Variants in MNAT1 observed in about 807,000 individuals in gnomAD.
MNAT1 encodes the protein MNAT1 component of CDK activating kinase.
Under a neutral mutation model 42.0 loss-of-function variants are expected in MNAT1, and 43 were observed. That is an observed-to-expected ratio of 1.02 (90% CI 0.80 to 1.32). The LOEUF (loss-of-function observed/expected upper bound fraction) is 1.32. Ranked by LOEUF, MNAT1 falls within the 40% of genes most tolerant of loss-of-function variation. MNAT1 has a pLI of 0.00. For missense variants in MNAT1, 306 were observed against 350.4 expected, an observed-to-expected ratio of 0.87 and a Z score of 1.01; for synonymous variants, 118 against 120.0, an observed-to-expected ratio of 0.98 and a Z score of 0.11.
intron 1 of MNAT1, among the ~76,000 whole-genome samples, chr14:60,741,729 A>C (rs1281702088): frequency 7.2e-6 from 1 of 138,074 alleles, no homozygotes; most frequent in Admixed American, 8.2e-5. Flanking sequence ...GCTGGTCTCA[A>C]ACGCCTGAGC....
intron 1 of MNAT1, among the ~76,000 whole-genome samples, chr14:60,794,465 G>C (rs945739241): frequency 2.0e-5 from 3 of 151,202 alleles, no homozygotes; most frequent in Admixed American, 2.0e-4. Context: ...AGGAGTTCGA[G>C]ACCAGCCTGA....
chr14:60,828,088 G>A (rs2033105107), intron 6 of MNAT1, among the ~76,000 whole-genome samples: 1 of 152,032 alleles, frequency 6.6e-6, no homozygotes, highest in African/African-American at 2.4e-5. Flanking sequence ...TTTGAATTTT[G>A]TTATTTCAGA....
intron 7 of MNAT1, among the ~76,000 whole-genome samples, chr14:60,947,485 C>G (rs1325302450): frequency 2.0e-5 from 3 of 152,098 alleles, no homozygotes. Flanking sequence ...GAGTTCGAGA[C>G]AAGCCTGGCC....
chr14:60,810,853 G>A (rs1475083875), intron 4 of MNAT1, among the ~76,000 whole-genome samples: 2 of 152,058 alleles, frequency 1.3e-5, no homozygotes, highest in Admixed American at 6.5e-5. Context: ...GTATATTTCT[G>A]TTAGTTGTTA....
At chr14:60,743,336 TG>T (rs547086223) in intron 1 of MNAT1, among the ~76,000 whole-genome samples, 57 of 152,218 alleles carry the variant, frequency 3.7e-4, no homozygotes, top group Admixed American at 1.1e-3. Context: ...TCGCCCAGGC[TG>T]GAGTACAATG....
intron 6 of MNAT1, among the ~76,000 whole-genome samples, chr14:60,860,420 T>A (rs554854788): frequency 6.7e-6 from 1 of 148,420 alleles, no homozygotes; most frequent in South Asian, 2.2e-4. Context: ...TGGCGCGATC[T>A]CTGCTCACTG....
intron 7 of MNAT1, among the ~76,000 whole-genome samples, chr14:60,961,821 C>T (rs918016497): frequency 2.6e-5 from 4 of 152,102 alleles, no homozygotes; most frequent in East Asian, 1.9e-4. Flanking sequence ...AGATAAATTA[C>T]TCATCCTGCC....
intron 6 of MNAT1, among the ~76,000 whole-genome samples, chr14:60,841,694 G>T (rs1286270260): frequency 2.0e-5 from 3 of 151,772 alleles, no homozygotes; most frequent in Non-Finnish European, 4.4e-5. Flanking sequence ...GGTAATTTTT[G>T]GTATTCCATT....
chr14:60,928,837 G>A (rs2035819375), intron 7 of MNAT1, among the ~76,000 whole-genome samples: 2 of 151,678 alleles, frequency 1.3e-5, no homozygotes, highest in Middle Eastern at 3.4e-3. Flanking sequence ...CTGGATATCA[G>A]CATTTTATTA....
intron 7 of MNAT1, among the ~76,000 whole-genome samples, chr14:60,924,621 A>G (rs571917448): frequency 3.0e-5 from 2 of 66,198 alleles, no homozygotes; most frequent in South Asian, 5.4e-4. Context: ...AGCTACACAA[A>G]TAACATCACC....
At chr14:60,964,476 G>C (rs113762846) in intron 7 of MNAT1, among the ~76,000 whole-genome samples, 1 of 152,250 alleles carries the variant, frequency 6.6e-6, no homozygotes, top group African/African-American at 2.4e-5. Flanking sequence ...TTAAGTCTTT[G>C]AGTTTAGTCT....
chr14:60,926,486 G>A (rs1304027148), intron 7 of MNAT1, among the ~76,000 whole-genome samples: 9 of 152,172 alleles, frequency 5.9e-5, no homozygotes, highest in Admixed American at 2.6e-4. Flanking sequence ...CAGACCATTC[G>A]TCAGTTTTGA....
At chr14:60,857,488 A>G (rs368391803) in intron 6 of MNAT1, among the ~76,000 whole-genome samples, 5 of 152,312 alleles carry the variant, frequency 3.3e-5, no homozygotes, top group African/African-American at 1.2e-4. Flanking sequence ...GATAGAATCT[A>G]CTCATGGTAA....
At chr14:60,920,053 A>C (rs914961448) in intron 7 of MNAT1, 1 of 153,342 alleles carries the variant, frequency 6.5e-6, no homozygotes, top group Admixed American at 6.5e-5. Context: ...CTCCACCTGC[A>C]GTGACAAGGC....
chr14:60,936,194 T>C (rs1253418437), intron 7 of MNAT1, among the ~76,000 whole-genome samples: 1 of 152,178 alleles, frequency 6.6e-6, no homozygotes, highest in African/African-American at 2.4e-5. Context: ...TGTGGGGCTG[T>C]TCAGAGATTC....
Position 60,841,534 on chromosome 14 carries a change from C to T in MNAT1, c.687+22687C>T, listed in dbSNP as rs567019285. Among the ~76,000 whole-genome samples, 3 of 152,178 alleles carry T rather than the reference C, an allele frequency of 2.0e-5. No homozygotes were observed. The South Asian group carries it at 6.2e-4, about 32-fold the overall frequency. On this transcript the variant is annotated intron_variant, in intron 6 of 7. Coordinates refer to ENST00000261245, the MANE Select transcript of MNAT1 (RefSeq NM_002431.4). ...TCTCATCATTCATATTTCTTCTCTA[C>T]CTTCATGAACATGTGGAATATATTT... is the stretch of plus-strand genomic sequence containing the variant.
At chr14:60,835,593 T>C (rs1462225778) in intron 6 of MNAT1, among the ~76,000 whole-genome samples, 1 of 152,184 alleles carries the variant, frequency 6.6e-6, no homozygotes, top group Non-Finnish European at 1.5e-5. Flanking sequence ...GCTTGTAGGG[T>C]TTCTGCAGAG....
rs921135616 is a variant in MNAT1 at position 60,848,223 on chromosome 14, C to T, written c.687+29376C>T. ...TTTTCTTTTAGCCGTTTGAATATATCGTTCCACTACCTTCTGACTTCTATG... is the reference window on the plus strand; with the variant it reads ...TTTTCTTTTAGCCGTTTGAATATATTGTTCCACTACCTTCTGACTTCTATG... On this transcript the variant is annotated intron_variant, in intron 6 of 7. Transcript: ENST00000261245. Among the ~76,000 whole-genome samples the T allele has an allele frequency of 2.0e-5, 3 of 152,246 alleles. No homozygotes were observed. The East Asian group carries it at 5.8e-4, about 29-fold the overall frequency.
At chr14:60,806,063 A>C (rs2032359507) in intron 3 of MNAT1, among the ~76,000 whole-genome samples, 1 of 152,166 alleles carries the variant, frequency 6.6e-6, no homozygotes, top group South Asian at 2.1e-4. Context: ...GAGTTTTGCC[A>C]TTCTAATAGG....
Sources: gnomAD v4.1 joint callset for allele counts (sites outside exome capture counted in the v4.1 genomes callset) on GRCh38, gnomAD v4.1.1 for gene constraint, MANE v1.5 for transcripts, NCBI Gene and HGNC (gene_info 2026-07-23, HGNC 2026-07-21) for gene names.